The following SDK2 variants were observed in gnomAD, a reference collection of about 807,000 sequenced individuals.
The protein encoded by SDK2 is protein sidekick-2.
In SDK2, 105 loss-of-function variants were observed where a neutral mutation model predicts 253.9. The ratio of observed to expected loss-of-function variants is 0.41; its 90% confidence interval spans 0.35 to 0.49. The LOEUF (loss-of-function observed/expected upper bound fraction) is 0.49, where lower values mean the gene tolerates loss of function less well. Ranked by LOEUF, SDK2 falls within the 20% of genes least tolerant of loss-of-function variation. The pLI, the probability that SDK2 is intolerant of heterozygous loss-of-function variation, is 0.06. For synonymous variants in SDK2, 1,249 were observed against 1,234.9 expected (o/e 1.01, Z -0.24); for missense variants, 2,608 against 3,003.0 (o/e 0.87, Z 3.07).
intron 4 of SDK2, among the ~76,000 whole-genome samples, chr17:73,451,161 T>C (rs1478852265): frequency 6.6e-6 from 1 of 152,190 alleles, no homozygotes; most frequent in Non-Finnish European, 1.5e-5. Context: ...GCAGGACAAC[T>C]TGGAAGGTTG....
At position 73,400,988 on chromosome 17, in the gene SDK2, C is replaced by T; in HGVS notation, c.2971+32G>A. On this transcript the variant is annotated intron_variant, in intron 21 of 44. Transcript: ENST00000392650. ...GAATGGGACGCTGCTCAGGAGAACT[C>T]AAAGAGTCCTGCCTTGAGAGTGGGC... 4 of 1,542,588 alleles carry T rather than the reference C, an allele frequency of 2.6e-6. 1 individual carries two copies. In the South Asian group the frequency reaches 4.8e-5, roughly 19 times the overall value.
At chr17:73,505,047 T>G (rs1487176121) in intron 2 of SDK2, among the ~76,000 whole-genome samples, 4 of 142,582 alleles carry the variant, frequency 2.8e-5, no homozygotes, top group Non-Finnish European at 6.3e-5. Flanking sequence ...GTTTCCCAAG[T>G]GCGCGCTCAT....
intron 2 of SDK2, among the ~76,000 whole-genome samples, chr17:73,492,739 G>C (rs1340024969): frequency 1.3e-5 from 2 of 152,174 alleles, no homozygotes; most frequent in African/African-American, 4.8e-5. Flanking sequence ...GCCCACTGCA[G>C]ATATTCCTCT....
chr17:73,552,785 G>A (rs548614474), intron 1 of SDK2, among the ~76,000 whole-genome samples: 4 of 152,314 alleles, frequency 2.6e-5, no homozygotes, highest in South Asian at 4.1e-4. Flanking sequence ...TTCCCTAAGC[G>A]ACTTCATCTT....
rs573408612 is a variant in SDK2 at position 73,380,833 on chromosome 17, C to T, written c.4762+61G>A. The stretch of plus-strand genomic sequence containing the variant: ...TGTGATCAGGTCTCTCAAGGAGGCC[C>T]CACTCCCAATCCCCTGCGAGGCCTG... On this transcript the variant is annotated intron_variant, in intron 34 of 44. Transcript: ENST00000392650. 29 of 1,435,188 alleles carry T rather than the reference C, an allele frequency of 2.0e-5. No homozygotes were observed. The East Asian group carries it at 6.2e-4, about 31-fold the overall frequency. 88.9% of individuals were successfully genotyped at this position (1,435,188 alleles called of 1,614,324 possible).
In SDK2 at chr17:73,431,376, G is replaced by C; in HGVS notation, c.1480+126C>G. On this transcript the variant is annotated intron_variant, in intron 11 of 44. Coordinates refer to ENST00000392650, the MANE Select transcript of SDK2 (RefSeq NM_001144952.2). This position sits in a 1 kb window ranked among gnomAD's most constrained non-coding sequence, Gnocchi z 5.6. ...GATGAGAAGGGCCCTGACTGGGACA[G>C]ACACTGGGGATGGAGACACTGGTGG... 1.1e-6 allele frequency: 1 copy of C among 927,272 alleles called. No individual in the cohort carries two copies. Among genetic ancestry groups the C allele is most frequent in the Admixed American group, 2.5e-5 (1 of 39,248 alleles). 57.4% of individuals were successfully genotyped at this position (927,272 alleles called of 1,614,324 possible).
At chr17:73,350,190 T>TGGGCGCTGCTGGGCCTGGCCCCCCACCC in intron 43 of SDK2, 47 bp downstream of exon 43, 1 of 163,696 alleles carries the variant, frequency 6.1e-6, no homozygotes, top group Non-Finnish European at 9.7e-6. Flanking sequence ...TCTCCCCACC[T>TGGGCGCTGCTGGGCCTGGCCCCCCACCC]GGGCACTGCT....
intron 1 of SDK2, among the ~76,000 whole-genome samples, chr17:73,527,090 C>A (rs1599650002): frequency 6.6e-6 from 1 of 152,200 alleles, no homozygotes; most frequent in East Asian, 1.9e-4. Flanking sequence ...GATACAGGAG[C>A]TAGGCGGATG....
At position 73,335,278 on chromosome 17, in the gene SDK2, A is replaced by G. The variant is rs2062369270; in HGVS notation, c.*3309T>C. 6.6e-6 allele frequency: 1 copy of G among 152,474 alleles called. No individual in the cohort carries two copies. Among genetic ancestry groups the G allele is most frequent in the Non-Finnish European group, 1.5e-5 (1 of 68,238 alleles). The allele number at this position is 152,474 out of a possible 1,614,324, so 9.4% of individuals were successfully genotyped here. A position where few individuals can be genotyped will look rare whatever the true frequency, so the allele number is the denominator to read the frequency against. On this transcript the variant is annotated 3_prime_UTR_variant, in exon 45 of 45. Coordinates refer to ENST00000392650, the MANE Select transcript of SDK2 (RefSeq NM_001144952.2). ...AGGGGAAAGCCCTGGTGTGCCCAGC[A>G]TGGGCTCCTGGGTGCAACACTGGGA...
chr17:73,420,868 G>A (rs1219907269), intron 15 of SDK2, among the ~76,000 whole-genome samples: 2 of 151,692 alleles, frequency 1.3e-5, no homozygotes, highest in Admixed American at 6.6e-5. Context: ...TAGAGATGGG[G>A]TTTCACCATG....
At chr17:73,466,664 C>T (rs1476208417) in intron 3 of SDK2, among the ~76,000 whole-genome samples, 2 of 144,464 alleles carry the variant, frequency 1.4e-5, no homozygotes, top group Admixed American at 7.3e-5. Flanking sequence ...AGAAGAAAGA[C>T]ATTTACACAA....
In SDK2 at chr17:73,520,672, T is replaced by G. The variant is rs558389327; in HGVS notation, c.65-13075A>C. The G allele has an allele frequency of 7.3e-5, 11 of 151,454 alleles. No homozygotes were observed. The East Asian group carries it at 1.9e-3, about 27-fold the overall frequency. 9.4% of individuals were successfully genotyped at this position (151,454 alleles called of 1,614,324 possible). On this transcript the variant is annotated intron_variant, in intron 1 of 44. Transcript: ENST00000392650. The stretch of plus-strand genomic sequence containing the variant: ...CACAGCGGAGCCCCAAGGAGGGAGG[T>G]AAACAAAGGTCTAGGGCAGACTGGG...
chr17:73,599,865 G>A (rs1599715169), intron 1 of SDK2, among the ~76,000 whole-genome samples: 2 of 152,358 alleles, frequency 1.3e-5, no homozygotes, highest in South Asian at 2.1e-4. Context: ...CAGCTGTGAT[G>A]GGGGGTCCTT....
At chr17:73,623,662 C>A (rs1002011281) in intron 1 of SDK2, among the ~76,000 whole-genome samples, 1 of 152,156 alleles carries the variant, frequency 6.6e-6, no homozygotes, top group Admixed American at 6.5e-5. Context: ...CCCCTGATCT[C>A]ACCTGACACT....
intron 2 of SDK2, among the ~76,000 whole-genome samples, chr17:73,488,879 G>A (rs985617302): frequency 3.3e-5 from 5 of 151,584 alleles, no homozygotes; most frequent in African/African-American, 9.7e-5. Context: ...GTTTTTTATC[G>A]CACAGTTTGG....
rs1049082186 is a variant in SDK2, at chr17:73,440,431, C to T, written c.725+381G>A. ...CCGTACTCTTAACCACCATGTGAAT[C>T]GTTTCCCATGCACACTTCCCTCCTG... On this transcript the variant is annotated intron_variant, in intron 6 of 44. Transcript: ENST00000392650. Among the ~76,000 whole-genome samples the T allele has an allele frequency of 4.6e-5, 7 of 152,232 alleles. 1 individual carries two copies. Among genetic ancestry groups the T allele is most frequent in the Non-Finnish European group, 5.9e-5 (4 of 68,002 alleles).
intron 3 of SDK2, among the ~76,000 whole-genome samples, chr17:73,469,120 G>A (rs187172196): frequency 2.8e-4 from 43 of 152,294 alleles, no homozygotes; most frequent in African/African-American, 9.4e-4. Context: ...ACTGCACCTG[G>A]CCAGACCACT....
At position 73,541,357 on chromosome 17, in the gene SDK2, C is replaced by A. The variant is rs1039823852; in HGVS notation, c.65-33760G>T. Among the ~76,000 whole-genome samples, 6 of 152,106 alleles carry A rather than the reference C, an allele frequency of 3.9e-5. No individual in the cohort carries two copies. Among genetic ancestry groups the A allele is most frequent in the Non-Finnish European group, 8.8e-5 (6 of 68,004 alleles). ...CTGGTGGAGCGGATGTGGGGCATGG[C>A]TAATCCCCAAGCTGCAGATGACATC... On this transcript the variant is annotated intron_variant, in intron 1 of 44. Transcript: ENST00000392650. This position sits in a 1 kb window ranked among gnomAD's most constrained non-coding sequence, Gnocchi z 4.3.
In SDK2 at chr17:73,447,606, C is replaced by T. The variant is rs187398657; in HGVS notation, c.613+9G>A. On this transcript the variant is annotated intron_variant, in intron 5 of 44. Coordinates refer to ENST00000392650, the MANE Select transcript of SDK2 (RefSeq NM_001144952.2). The surrounding 1 kb of genome is among the most constrained non-coding windows in gnomAD (Gnocchi z 4.0). Reference sequence around the variant, plus strand: ...CTCCAAGATCGGTCCCGGCCCTGTGCGTACTTACTCTCCACGGTGAGCGTG... The same window carrying T: ...CTCCAAGATCGGTCCCGGCCCTGTGTGTACTTACTCTCCACGGTGAGCGTG... The T allele has an allele frequency of 1.3e-4, 201 of 1,551,912 alleles. No individual in the cohort carries two copies. The highest frequency in any genetic ancestry group is 2.7e-4 in the East Asian group (11 of 40,910).
Sources: gnomAD v4.1 joint callset for allele counts (sites outside exome capture counted in the v4.1 genomes callset) on GRCh38, gnomAD v4.1.1 for gene constraint, Gnocchi (gnomAD v3.1) non-coding constraint, MANE v1.5 for transcripts, NCBI Gene and HGNC (gene_info 2026-07-23, HGNC 2026-07-21) for gene names.